The following CAST variants were observed in gnomAD, a reference collection of about 807,000 sequenced individuals.
CAST encodes MIR583 host.
Under a neutral mutation model 119.6 loss-of-function variants are expected in CAST, and 76 were observed. The ratio of observed to expected loss-of-function variants is 0.64; its 90% CI spans 0.53 to 0.77. CAST has a LOEUF of 0.77. Ranked by LOEUF, CAST falls within the 30% of genes least tolerant of loss-of-function variation. The pLI is 0.00. For missense variants in CAST, 953 were observed against 946.5 expected (o/e 1.01, Z -0.09); for synonymous variants, 319 against 331.6 (o/e 0.96, Z 0.41).
intron 1 of CAST, among the ~76,000 whole-genome samples, chr5:96,626,686 T>G (rs944666962): frequency 2.0e-5 from 3 of 152,232 alleles, no homozygotes; most frequent in Non-Finnish European, 4.4e-5. Flanking sequence ...CCAGCCATTC[T>G]TACCATGTTA....
chr5:96,677,159 T>C (rs901901679), intron 2 of CAST, among the ~76,000 whole-genome samples: 1 of 152,254 alleles, frequency 6.6e-6, no homozygotes, highest in Non-Finnish European at 1.5e-5. Flanking sequence ...GAGCAAATAT[T>C]GAACACTTCC....
chr5:96,211,536 A>T, the CAST span, among the ~76,000 whole-genome samples: 4 of 151,914 alleles, frequency 2.6e-5, no homozygotes, highest in Admixed American at 6.6e-5. Context: ...ATTGAATTCT[A>T]TTTGCTTATA....
At chr5:96,017,590 A>T in the CAST span, among the ~76,000 whole-genome samples, 2 of 152,334 alleles carry the variant, frequency 1.3e-5, no homozygotes, top group South Asian at 4.2e-4. Flanking sequence ...TAAAAATCAT[A>T]TAACAACTGG....
chr5:96,016,725 C>G, the CAST span, among the ~76,000 whole-genome samples: 1 of 151,974 alleles, frequency 6.6e-6, no homozygotes, highest in South Asian at 2.1e-4. Context: ...GTTGCTGTCC[C>G]CTCTCTTATC....
At chr5:96,766,207 C>A in intron 27 of CAST, 62 bp downstream of exon 27, 1 of 916,496 alleles carries the variant, frequency 1.1e-6, no homozygotes, top group Non-Finnish European at 1.8e-6. Flanking sequence ...TTCAAACCTC[C>A]CTTGAAATAA....
chr5:95,999,936 A>G, the CAST span, among the ~76,000 whole-genome samples: 1 of 152,212 alleles, frequency 6.6e-6, no homozygotes, highest in African/African-American at 2.4e-5. Context: ...CTTATTTATT[A>G]TAACCATTTC....
chr5:96,173,746 T>TTTC, the CAST span, among the ~76,000 whole-genome samples: 1 of 148,756 alleles, frequency 6.7e-6, no homozygotes. Context: ...GAACTTTTTT[T>TTTC]TTTCTTTTTT....
the CAST span, among the ~76,000 whole-genome samples, chr5:96,499,143 T>C: frequency 6.6e-6 from 1 of 150,880 alleles, no homozygotes; most frequent in East Asian, 2.0e-4. Context: ...AAACCAGAAA[T>C]AGTCCTCTTA....
chr5:96,515,546 G>A, the CAST span, among the ~76,000 whole-genome samples: 20 of 152,022 alleles, frequency 1.3e-4, no homozygotes, highest in Non-Finnish European at 2.5e-4. Flanking sequence ...GAGAGGAAAA[G>A]CAATCCCTAA....
chr5:96,246,792 T>C, the CAST span, among the ~76,000 whole-genome samples: 1 of 152,196 alleles, frequency 6.6e-6, no homozygotes, highest in African/African-American at 2.4e-5. Context: ...GGCCAACTAT[T>C]AGGTAGCTAG....
intron 1 of CAST, among the ~76,000 whole-genome samples, chr5:96,548,341 G>A (rs900227224): frequency 6.6e-6 from 1 of 152,104 alleles, no homozygotes; most frequent in African/African-American, 2.4e-5. Context: ...ACTCAAGTCA[G>A]GTTTTTGACA....
the CAST span, among the ~76,000 whole-genome samples, chr5:96,125,099 C>A: frequency 5.9e-3 from 904 of 152,234 alleles, 5 homozygotes; most frequent in Non-Finnish European, 8.6e-3. Flanking sequence ...CGTAACTGCC[C>A]ATACCTTACC....
At chr5:96,199,719 G>GT in the CAST span, among the ~76,000 whole-genome samples, 2 of 152,128 alleles carry the variant, frequency 1.3e-5, no homozygotes, top group Non-Finnish European at 2.9e-5. Context: ...GTATTTTGTT[G>GT]TTGTTAGAAA....
chr5:96,556,204 A>G (rs1305968650), intron 1 of CAST, among the ~76,000 whole-genome samples: 1 of 152,184 alleles, frequency 6.6e-6, no homozygotes, highest in Non-Finnish European at 1.5e-5. Flanking sequence ...CCAAAACCCC[A>G]TCTGTACATC....
the CAST span, among the ~76,000 whole-genome samples, chr5:96,512,268 T>C: frequency 2.0e-5 from 3 of 152,226 alleles, no homozygotes; most frequent in Admixed American, 6.5e-5. Flanking sequence ...CTAGTAAAAA[T>C]GAACTTGCAT....
the CAST span, among the ~76,000 whole-genome samples, chr5:96,362,785 G>T: frequency 2.6e-5 from 4 of 152,130 alleles, no homozygotes; most frequent in Non-Finnish European, 4.4e-5. Flanking sequence ...TCTGTAGGTT[G>T]CCTGTTCACT....
the CAST span, among the ~76,000 whole-genome samples, chr5:96,374,857 G>A: frequency 1.3e-5 from 2 of 152,148 alleles, no homozygotes; most frequent in African/African-American, 4.8e-5. Flanking sequence ...TGGCGCTGGA[G>A]TTTCCGGCTC....
At chr5:96,450,599 A>G in the CAST span, among the ~76,000 whole-genome samples, 4 of 152,340 alleles carry the variant, frequency 2.6e-5, no homozygotes, top group South Asian at 8.3e-4. Context: ...TAAATAAGTA[A>G]ATAATCCTCA....
the CAST span, among the ~76,000 whole-genome samples, chr5:96,131,173 T>C: frequency 6.6e-6 from 1 of 152,062 alleles, no homozygotes; most frequent in East Asian, 1.9e-4. Context: ...ATGGTATATA[T>C]AGACTGTAAA....
Sources: gnomAD v4.1 joint callset for allele counts (sites outside exome capture counted in the v4.1 genomes callset) on GRCh38, gnomAD v4.1.1 for gene constraint, MANE v1.5 for transcripts, NCBI Gene and HGNC (gene_info 2026-07-23, HGNC 2026-07-21) for gene names.